RANBP2: variants seen among roughly 807,000 people sequenced by gnomAD.
The protein encoded by RANBP2 is E3 SUMO-protein ligase RanBP2.
A neutral mutation model predicts 303.6 loss-of-function variants in RANBP2; 57 were observed. The observed-to-expected ratio is 0.19, with a 90% CI of 0.15 to 0.23. RANBP2 has a LOEUF of 0.23. RANBP2 is among the 10% of genes least tolerant of loss of function. The probability of loss-of-function intolerance (pLI) is 1.00; values close to 1 mark genes in which losing one functional copy is unlikely to be tolerated. For synonymous variants in RANBP2, 1,167 were observed against 1,301.5 expected (o/e 0.90, Z 2.23); for missense variants, 3,138 against 3,780.8 (o/e 0.83, Z 4.46).
the RANBP2 span, among the ~76,000 whole-genome samples, chr2:108,934,450 C>T: frequency 2.0e-5 from 3 of 152,162 alleles, no homozygotes; most frequent in Non-Finnish European, 4.4e-5. Context: ...ACGTGGGGCT[C>T]CAGCCTCGTG....
chr2:108,887,969 G>A, the RANBP2 span, among the ~76,000 whole-genome samples: 7 of 152,238 alleles, frequency 4.6e-5, no homozygotes, highest in East Asian at 1.2e-3. Context: ...AAGGCTTTTA[G>A]CTTTTCTTCA....
chr2:109,579,034 T>C, the RANBP2 span, among the ~76,000 whole-genome samples: 1 of 152,110 alleles, frequency 6.6e-6, no homozygotes, highest in South Asian at 2.1e-4. Context: ...CAACACTTTG[T>C]CAAGACTAAT....
chr2:109,023,474 C>T, the RANBP2 span, among the ~76,000 whole-genome samples: 52 of 152,242 alleles, frequency 3.4e-4, no homozygotes, highest in East Asian at 9.8e-3. Flanking sequence ...GCTGTCAGCC[C>T]TAACTGTCAT....
chr2:109,458,915 T>C, the RANBP2 span, among the ~76,000 whole-genome samples: 6 of 152,346 alleles, frequency 3.9e-5, no homozygotes, highest in African/African-American at 1.2e-4. Context: ...GGTACCTGCC[T>C]AGCCACACTG....
At chr2:108,842,590 G>A in the RANBP2 span, among the ~76,000 whole-genome samples, 1 of 152,148 alleles carries the variant, frequency 6.6e-6, no homozygotes, top group Non-Finnish European at 1.5e-5. Context: ...CACACAGTCC[G>A]TAGTGAGGTG....
At chr2:109,249,497 CTT>C in the RANBP2 span, among the ~76,000 whole-genome samples, 1,430 of 32,052 alleles carry the variant, frequency 0.045, 38 homozygotes, top group African/African-American at 0.15. Context: ...TTCTTTCTTT[CTT>C]TCTTTCTTTC....
the RANBP2 span, among the ~76,000 whole-genome samples, chr2:109,517,485 C>T: frequency 6.6e-6 from 1 of 151,998 alleles, no homozygotes; most frequent in Non-Finnish European, 1.5e-5. Context: ...ACCGCAGGTT[C>T]GGACCTGTGA....
At chr2:109,629,355 ATT>A in the RANBP2 span, among the ~76,000 whole-genome samples, 653 of 15,156 alleles carry the variant, frequency 0.043, 11 homozygotes, top group Non-Finnish European at 0.058. Context: ...ATATATATAT[ATT>A]TTTTTTTTTT....
chr2:109,633,542 TATC>T, the RANBP2 span, among the ~76,000 whole-genome samples: 9 of 151,802 alleles, frequency 5.9e-5, no homozygotes, highest in Non-Finnish European at 1.2e-4. Flanking sequence ...AAGCCTGAGG[TATC>T]ATCAGTGCTT....
chr2:109,354,316 C>T, the RANBP2 span, among the ~76,000 whole-genome samples: 6 of 152,312 alleles, frequency 3.9e-5, no homozygotes, highest in East Asian at 1.9e-4. Flanking sequence ...GAAGGGGGCC[C>T]GGCAGGGTCA....
At chr2:109,436,984 A>G in the RANBP2 span, 2 of 1,613,884 alleles carry the variant, frequency 1.2e-6, no homozygotes, top group Non-Finnish European at 8.5e-7. Flanking sequence ...GCACCCAGGC[A>G]GTGGGAGTCT....
chr2:108,931,217 C>T, the RANBP2 span, among the ~76,000 whole-genome samples: 1 of 152,360 alleles, frequency 6.6e-6, no homozygotes, highest in Non-Finnish European at 1.5e-5. Context: ...GACTCTGGGG[C>T]CTTCCCAGCC....
chr2:109,720,533 T>C, the RANBP2 span, among the ~76,000 whole-genome samples: 2 of 152,124 alleles, frequency 1.3e-5, no homozygotes, highest in Admixed American at 1.3e-4. Flanking sequence ...TTATGCACCA[T>C]GTGGGGCTGA....
At chr2:109,348,175 G>C in the RANBP2 span, among the ~76,000 whole-genome samples, 2 of 152,202 alleles carry the variant, frequency 1.3e-5, no homozygotes, top group Admixed American at 6.5e-5. Context: ...TTGACACACA[G>C]CTCCAGCCCA....
the RANBP2 span, among the ~76,000 whole-genome samples, chr2:109,465,633 T>C: frequency 6.6e-6 from 1 of 152,220 alleles, no homozygotes; most frequent in African/African-American, 2.4e-5. Flanking sequence ...CTGGGTAGTT[T>C]ATAAAGAAAA....
the RANBP2 span, among the ~76,000 whole-genome samples, chr2:109,182,593 C>A: frequency 1.3e-5 from 2 of 152,104 alleles, no homozygotes; most frequent in East Asian, 3.9e-4. Context: ...GCATTAATTG[C>A]AAGAATGAAT....
At chr2:109,677,230 G>A in the RANBP2 span, among the ~76,000 whole-genome samples, 1 of 152,264 alleles carries the variant, frequency 6.6e-6, no homozygotes, top group Admixed American at 6.5e-5. Context: ...CCAGCCAGGA[G>A]TCAGTGGGTG....
the RANBP2 span, among the ~76,000 whole-genome samples, chr2:109,010,048 C>G: frequency 6.6e-6 from 1 of 152,028 alleles, no homozygotes; most frequent in Non-Finnish European, 1.5e-5. Flanking sequence ...AACAGTTCTT[C>G]TAAGTTTGTA....
chr2:109,476,740 A>G, the RANBP2 span, among the ~76,000 whole-genome samples: 2 of 152,188 alleles, frequency 1.3e-5, no homozygotes, highest in African/African-American at 4.8e-5. Flanking sequence ...GAATACAAGA[A>G]TAGCTGTTCC....
Sources: gnomAD v4.1 joint callset for allele counts (sites outside exome capture counted in the v4.1 genomes callset) on GRCh38, gnomAD v4.1.1 for gene constraint, MANE v1.5 for transcripts, NCBI Gene and HGNC (gene_info 2026-07-23, HGNC 2026-07-21) for gene names.